LRRC61: variants seen among roughly 807,000 people sequenced by gnomAD.
The protein encoded by LRRC61 is leucine rich repeat containing 61, also known as leucine-rich repeat-containing protein 61.
Under a neutral mutation model 15.1 loss-of-function variants are expected in LRRC61, and 9 were observed. The ratio of observed to expected loss-of-function variants is 0.60; its 90% CI spans 0.36 to 1.04. The LOEUF (loss-of-function observed/expected upper bound fraction) is 1.04. LRRC61 is among the 50% of genes least tolerant of loss of function. The probability of loss-of-function intolerance (pLI) is 0.01; values close to 1 mark genes in which losing one functional copy is unlikely to be tolerated. For synonymous variants in LRRC61, 173 were observed against 158.6 expected (o/e 1.09, Z -0.68); for missense variants, 344 against 335.6 (o/e 1.03, Z -0.20).
chr7:150,332,894 G>A (rs1798154382), intron 2 of LRRC61, among the ~76,000 whole-genome samples: 1 of 152,170 alleles, frequency 6.6e-6, no homozygotes, highest in Admixed American at 6.5e-5. Flanking sequence ...CCAGAGCAGG[G>A]ATAGGAGGGG....
intron 2 of LRRC61, among the ~76,000 whole-genome samples, chr7:150,334,635 C>T (rs1315326125): frequency 1.3e-5 from 2 of 152,352 alleles, no homozygotes; most frequent in East Asian, 3.9e-4. Context: ...GCCTCCTGAG[C>T]CCCACGCCAC....
At position 150,333,284 on chromosome 7, in the gene LRRC61, C is replaced by T. The variant is rs1798173030; in HGVS notation, c.-144-3434C>T. On this transcript the variant is annotated intron_variant, in intron 2 of 2. Transcript: ENST00000359623. The surrounding 1 kb of genome is among the most constrained non-coding windows in gnomAD (Gnocchi z 4.3). ...CTTTCATCTAGGCGCAGTTTTGTCC[C>T]CCAGTGGACATTGACAATGTCTGGA... is the stretch of plus-strand genomic sequence containing the variant. Among the ~76,000 whole-genome samples the T allele has an allele frequency of 6.6e-6, 1 of 152,182 alleles. No homozygotes were observed. The highest frequency in any genetic ancestry group is 2.1e-4 in the South Asian group (1 of 4,828).
intron 2 of LRRC61, among the ~76,000 whole-genome samples, chr7:150,334,510 TAGAG>T (rs1563228112): frequency 6.6e-6 from 1 of 152,122 alleles, no homozygotes; most frequent in South Asian, 2.1e-4. Context: ...TGCGAGTTCT[TAGAG>T]AGCTCTGTAT....
At chr7:150,325,643 A>AT in intron 1 of LRRC61, among the ~76,000 whole-genome samples, 198 bp from the exon 2 acceptor site, 1 of 151,728 alleles carries the variant, frequency 6.6e-6, no homozygotes, top group South Asian at 2.1e-4. Flanking sequence ...ATTTTTTTGT[A>AT]TTTTTTTTGT....
At chr7:150,311,870 G>A in the LRRC61 span, among the ~76,000 whole-genome samples, 2 of 152,276 alleles carry the variant, frequency 1.3e-5, no homozygotes, top group Admixed American at 6.5e-5. Context: ...CCAAAGGAAT[G>A]CACATTAACA....
chr7:150,314,304 G>T, the LRRC61 span, among the ~76,000 whole-genome samples: 1 of 152,302 alleles, frequency 6.6e-6, no homozygotes, highest in South Asian at 2.1e-4. Context: ...GCCCTGCCAA[G>T]GATTCTTGAA....
the LRRC61 span, among the ~76,000 whole-genome samples, chr7:150,312,245 G>C: frequency 2.0e-5 from 3 of 152,256 alleles, no homozygotes; most frequent in Middle Eastern, 3.4e-3. Context: ...TTCCAACTCA[G>C]GGCAAGAGGT....
At chr7:150,332,544 A>C (rs1465557214) in intron 2 of LRRC61, 1 of 167,096 alleles carries the variant, frequency 6.0e-6, no homozygotes, top group Non-Finnish European at 1.5e-5. Context: ...ATATTACTGA[A>C]AATGTAAGGA....
chr7:150,330,795 G>C lies in LRRC61; in HGVS notation c.-145+4785G>C, dbSNP rs556643007. ...CCTGCAAAGCCCCAGGGGTCTGTGC[G>C]TGGACCCCACCAGGGTAGCCAAGAG... is the stretch of plus-strand genomic sequence containing the variant. On this transcript the variant is annotated intron_variant, in intron 2 of 2. Coordinates refer to ENST00000359623, the MANE Select transcript of LRRC61 (RefSeq NM_001142928.2). The surrounding 1 kb of genome is among the most constrained non-coding windows in gnomAD (Gnocchi z 4.6). The C allele has an allele frequency of 6.2e-7, 1 of 1,613,194 alleles. No homozygotes were observed.
At chr7:150,315,190 T>C in the LRRC61 span, among the ~76,000 whole-genome samples, 3 of 150,972 alleles carry the variant, frequency 2.0e-5, no homozygotes, top group East Asian at 3.9e-4. Context: ...GGCAAAGATT[T>C]CTCTAAAAGG....
rs769272100 is a variant in LRRC61 at position 150,337,279 on chromosome 7, C to T, written c.418C>T (p.Leu140Phe). ...RDPLARLSNP[L>F]CANPSYWAAV... The stretch of plus-strand genomic sequence containing the variant: ...CCCTTTGGCCCGGCTCAGCAACCCG[C>T]TCTGTGCCAACCCCTCCTACTGGGC... The change falls in exon 3 of 3, where the codon CTC becomes TTC. Residue 140 changes from leucine to phenylalanine, a missense_variant. Physicochemically the swap from Leu to Phe is conservative, Grantham distance 22 (BLOSUM62 0). Transcript: ENST00000359623. 6.2e-7 allele frequency: 1 copy of T among 1,603,656 alleles called. No individual in the cohort carries two copies. Among genetic ancestry groups the T allele is most frequent in the Non-Finnish European group, 8.5e-7 (1 of 1,179,900 alleles).
At chr7:150,314,107 G>A in the LRRC61 span, among the ~76,000 whole-genome samples, 1 of 152,186 alleles carries the variant, frequency 6.6e-6, no homozygotes, top group African/African-American at 2.4e-5. Context: ...GTGGTGGTAG[G>A]GGTGATGGCA....
At chr7:150,317,326 T>G in the LRRC61 span, among the ~76,000 whole-genome samples, 4 of 152,340 alleles carry the variant, frequency 2.6e-5, no homozygotes, top group South Asian at 8.3e-4. Context: ...GTGCTGGGAT[T>G]ACAGGTGTAG....
upstream of LRRC61, among the ~76,000 whole-genome samples, chr7:150,320,763 C>T (rs1210575104): frequency 6.6e-6 from 1 of 152,036 alleles, no homozygotes; most frequent in East Asian, 1.9e-4. Flanking sequence ...ACTCCATCTC[C>T]AAAACAAAAA....
rs1403853068 is a variant in LRRC61, at chr7:150,337,580, G to C, written c.719G>C (p.Ser240Thr). ...CWDLDRQASD[S>T]LAQAEQVLSS... is the part of the protein sequence containing the mutation. ...GACCTGGACCGCCAGGCCAGCGACA[G>C]CCTGGCCCAGGCGGAGCAGGTACTC... Residue 240 changes from serine to threonine, a missense_variant, in exon 3 of 3, where the codon AGC (serine) becomes ACC (threonine). By Grantham distance (58) the Ser-to-Thr change is moderately conservative (BLOSUM62 1). Coordinates refer to ENST00000359623, the MANE Select transcript of LRRC61 (RefSeq NM_001142928.2). The C allele has an allele frequency of 6.3e-7, 1 of 1,580,628 alleles. No homozygotes were observed. The highest frequency in any genetic ancestry group is 1.4e-5 in the African/African-American group (1 of 73,604).
At chr7:150,329,894 GC>G (rs948590646) in intron 2 of LRRC61, 1 of 157,940 alleles carries the variant, frequency 6.3e-6, no homozygotes, top group African/African-American at 2.4e-5. Context: ...TGCGAGGCCT[GC>G]CCCTGGAGGG....
At position 150,330,224 on chromosome 7, in the gene LRRC61, CT is replaced by C; in HGVS notation, c.-145+4217del. 1 of 602,512 alleles carries C rather than the reference CT, an allele frequency of 1.7e-6. No homozygotes were observed. 37.3% of individuals were successfully genotyped at this position (602,512 alleles called of 1,614,324 possible). A position where few individuals can be genotyped will look rare whatever the true frequency, so the allele number is the denominator to read the frequency against. The stretch of plus-strand genomic sequence containing the variant: ...AGCGCAGCCTCCTAGCCCACCAGCC[CT>C]TTGAGGAGCTCTTGGACCACTGGGT... On this transcript the variant is annotated intron_variant, in intron 2 of 2. Coordinates refer to ENST00000359623, the MANE Select transcript of LRRC61 (RefSeq NM_001142928.2). This position sits in a 1 kb window ranked among gnomAD's most constrained non-coding sequence, Gnocchi z 4.6.
chr7:150,330,259 A>G lies in LRRC61; in HGVS notation c.-145+4249A>G. ...CTCTTGGACCACTGGGTCTCGGCCT[A>G]CCACCTGCTGGAGTGGCTGGTGGAG... On this transcript the variant is annotated intron_variant, in intron 2 of 2. Coordinates refer to ENST00000359623, the MANE Select transcript of LRRC61 (RefSeq NM_001142928.2). The surrounding 1 kb of genome is among the most constrained non-coding windows in gnomAD (Gnocchi z 4.6). The G allele has an allele frequency of 1.6e-6, 1 of 637,710 alleles. No individual in the cohort carries two copies. The highest frequency in any genetic ancestry group is 2.6e-5 in the East Asian group (1 of 37,780). The allele number at this position is 637,710 out of a possible 1,614,324, so 39.5% of individuals were successfully genotyped here. A position where few individuals can be genotyped will look rare whatever the true frequency, so the allele number is the denominator to read the frequency against.
chr7:150,324,093 TCTC>T, intron 1 of LRRC61, among the ~76,000 whole-genome samples: 2 of 152,358 alleles, frequency 1.3e-5, no homozygotes, highest in Middle Eastern at 6.8e-3. Flanking sequence ...AATGGCTTGC[TCTC>T]CTCTTTTCCT....
Sources: allele counts gnomAD v4.1 joint callset (sites outside exome capture counted in the v4.1 genomes callset), GRCh38; gene constraint gnomAD v4.1.1; non-coding constraint Gnocchi (gnomAD v3.1); transcripts MANE v1.5; gene names NCBI Gene and HGNC (gene_info 2026-07-23, HGNC 2026-07-21).